HEG1: variants seen among roughly 807,000 people sequenced by gnomAD.
HEG1 encodes the protein protein HEG homolog 1.
In HEG1, 56 loss-of-function variants were observed where a neutral mutation model predicts 125.6. That is an observed-to-expected ratio of 0.45 (90% CI 0.36 to 0.56). HEG1 has a LOEUF of 0.56. Among genes scored for constraint, HEG1 ranks in the 20% least tolerant of loss-of-function variants. The pLI, the probability that HEG1 is intolerant of heterozygous loss-of-function variation, is 0.00. For synonymous variants in HEG1, 644 were observed against 668.5 expected (o/e 0.96, Z 0.57); for missense variants, 1,523 against 1,670.0 (o/e 0.91, Z 1.53).
intron 1 of HEG1, among the ~76,000 whole-genome samples, chr3:125,054,430 C>T (rs2107716728): frequency 6.6e-6 from 1 of 152,268 alleles, no homozygotes; most frequent in South Asian, 2.1e-4. Flanking sequence ...AAAATCCAAA[C>T]TTTTTCTTAT....
At chr3:124,977,785 T>C (rs1579394691) in intron 15 of HEG1, 74 bp downstream of exon 15, 15 of 945,418 alleles carry the variant, frequency 1.6e-5, no homozygotes, top group East Asian at 5.4e-5. Flanking sequence ...AAGTATCCTG[T>C]AAAAGAATAC....
chr3:124,993,400 C>A (rs1936863641), intron 12 of HEG1, among the ~76,000 whole-genome samples: 1 of 152,214 alleles, frequency 6.6e-6, no homozygotes, highest in Non-Finnish European at 1.5e-5. Context: ...GGCCCCATCT[C>A]CCAATCTTTG....
chr3:124,994,726 G>A (rs1370091260), intron 12 of HEG1, among the ~76,000 whole-genome samples: 1 of 152,232 alleles, frequency 6.6e-6, no homozygotes, highest in East Asian at 1.9e-4. Flanking sequence ...GGCTGGCCTC[G>A]AACTCCTGAC....
intron 1 of HEG1, among the ~76,000 whole-genome samples, chr3:125,043,388 T>C (rs1229976221): frequency 6.6e-6 from 1 of 151,564 alleles, no homozygotes; most frequent in East Asian, 1.9e-4. Flanking sequence ...TGGAGTGACC[T>C]CAAGCTCTTT....
rs950895676 is a variant in HEG1, at chr3:124,967,638, G to A, written c.*3014C>T. ...GACAGTAAGGCAGGGGGCTACAGTG[G>A]GCAGAGTAGCTGGGGGAGTCAGGCA... On this transcript the variant is annotated 3_prime_UTR_variant, in exon 17 of 17. Transcript: ENST00000311127. The A allele has an allele frequency of 6.6e-6, 1 of 152,166 alleles. No individual in the cohort carries two copies. Among genetic ancestry groups the A allele is most frequent in the Non-Finnish European group, 1.5e-5 (1 of 68,082 alleles). The allele number at this position is 152,166 out of a possible 1,614,324, so 9.4% of individuals were successfully genotyped here.
At chr3:125,011,661 G>A (rs1937158676) in intron 6 of HEG1, among the ~76,000 whole-genome samples, 1 of 152,134 alleles carries the variant, frequency 6.6e-6, no homozygotes, top group Non-Finnish European at 1.5e-5. Context: ...TTGCTTATGA[G>A]CCTCCAGCCC....
At chr3:124,977,191 A>G (rs1936561832) in intron 15 of HEG1, among the ~76,000 whole-genome samples, 1 of 152,158 alleles carries the variant, frequency 6.6e-6, no homozygotes, top group African/African-American at 2.4e-5. Flanking sequence ...GCCTTCCACC[A>G]TGATTATGAG....
At chr3:124,972,691 A>G (rs1241986554) in intron 16 of HEG1, among the ~76,000 whole-genome samples, 1 of 152,196 alleles carries the variant, frequency 6.6e-6, no homozygotes, top group African/African-American at 2.4e-5. Context: ...AAGTCACCTG[A>G]TAACTGTTTA....
chr3:125,000,571 T>C (rs764699401), intron 11 of HEG1, among the ~76,000 whole-genome samples: 3 of 151,898 alleles, frequency 2.0e-5, no homozygotes, highest in Non-Finnish European at 2.9e-5. Flanking sequence ...CCCCCATCAA[T>C]AGTAACTTCA....
chr3:124,974,455 G>T (rs4679198), intron 15 of HEG1, among the ~76,000 whole-genome samples: 102,226 of 152,020 alleles, frequency 0.67, 35,299 homozygotes, highest in African/African-American at 0.84. Flanking sequence ...ACTAGAAGGT[G>T]TGGAACTAGA....
Position 125,019,709 on chromosome 3 carries a change from T to C in HEG1, c.1253-112A>G, listed in dbSNP as rs1276077493. 5.2e-6 allele frequency: 4 copies of C among 767,302 alleles called. No individual in the cohort carries two copies. In the East Asian group the frequency reaches 7.4e-5, roughly 14 times the overall value. The allele number at this position is 767,302 out of a possible 1,614,324, so 47.5% of individuals were successfully genotyped here. On this transcript the variant is annotated intron_variant, in intron 4 of 16. Transcript: ENST00000311127. ...AGATTCTTTGCCAAGGAACCTGGTATAGTGTTTATTAAATGTATTATGCAC... is the reference window on the plus strand; with the variant it reads ...AGATTCTTTGCCAAGGAACCTGGTACAGTGTTTATTAAATGTATTATGCAC...
At chr3:125,047,306 C>T (rs1184762688) in intron 1 of HEG1, among the ~76,000 whole-genome samples, 1 of 152,240 alleles carries the variant, frequency 6.6e-6, no homozygotes, top group East Asian at 1.9e-4. Context: ...ATCATCATTG[C>T]TAGTATTTCT....
At chr3:125,002,394 G>T in intron 9 of HEG1, 79 bp from the exon 10 acceptor site, 1 of 1,260,556 alleles carries the variant, frequency 7.9e-7, no homozygotes, top group Non-Finnish European at 1.1e-6. Flanking sequence ...CTATTTTCAG[G>T]ATAAAACAGG....
At position 125,039,673 on chromosome 3, in the gene HEG1, T is replaced by G. The variant is rs886296414; in HGVS notation, c.317-10185A>C. 5.9e-5 allele frequency among the ~76,000 whole-genome samples: 9 copies of G among 152,136 alleles called. No homozygotes were observed. The East Asian group carries it at 1.3e-3, about 23-fold the overall frequency. On this transcript the variant is annotated intron_variant, in intron 1 of 16. Coordinates refer to ENST00000311127, the MANE Select transcript of HEG1 (RefSeq NM_020733.2). ...ATACCCTGTCAAGCGGGTATTATTA[T>G]CCTCATATAGCACATGGGGAAACTG...
intron 16 of HEG1, among the ~76,000 whole-genome samples, chr3:124,972,585 TG>T (rs1936465559): frequency 6.6e-6 from 1 of 152,222 alleles, no homozygotes; most frequent in South Asian, 2.1e-4. Flanking sequence ...AGAGGAATTA[TG>T]GTTTCTGTCA....
Position 125,027,322 on chromosome 3 carries a change from A to C in HEG1, c.796T>G (p.Leu266Val). 6.2e-7 allele frequency: 1 copy of C among 1,613,984 alleles called. No homozygotes were observed. Among genetic ancestry groups the C allele is most frequent in the Non-Finnish European group, 8.5e-7 (1 of 1,179,884 alleles). The change falls in exon 3 of 17, where the codon TTG becomes GTG. Residue 266 changes from leucine to valine, a missense_variant. Leu to Val is a conservative substitution (Grantham distance 32, BLOSUM62 1). Transcript: ENST00000311127. ...SAWSPSFLPA[L>V]EMGELTTPSR... The stretch of plus-strand genomic sequence containing the variant: ...GGCGTGGTCAGCTCTCCCATCTCCA[A>C]AGCAGGAAGAAAGGACGGGCTCCAA...
At chr3:125,052,826 A>G (rs1474284979) in intron 1 of HEG1, among the ~76,000 whole-genome samples, 1 of 152,234 alleles carries the variant, frequency 6.6e-6, no homozygotes, top group Non-Finnish European at 1.5e-5. Context: ...CTTACAGTCT[A>G]ATACAGGCAA....
At chr3:125,034,675 C>T (rs867234289) in intron 1 of HEG1, among the ~76,000 whole-genome samples, 7 of 151,922 alleles carry the variant, frequency 4.6e-5, no homozygotes, top group African/African-American at 9.7e-5. Flanking sequence ...TGGTGCATAC[C>T]GGTGGTCCCA....
At chr3:124,998,741 C>T (rs112260635) in intron 11 of HEG1, among the ~76,000 whole-genome samples, 15 of 152,280 alleles carry the variant, frequency 9.9e-5, no homozygotes, top group African/African-American at 2.6e-4. Flanking sequence ...AATGAGGGTG[C>T]ATAGGCCTCC....
Sources: allele counts gnomAD v4.1 joint callset (sites outside exome capture counted in the v4.1 genomes callset), GRCh38; gene constraint gnomAD v4.1.1; transcripts MANE v1.5; gene names NCBI Gene and HGNC (gene_info 2026-07-23, HGNC 2026-07-21).